CDH7: variants seen among roughly 807,000 people sequenced by gnomAD.
CDH7 encodes cadherin 7, also known as cadherin-7.
CDH7 carries 25 observed loss-of-function variants against 71.8 expected under a neutral mutation model. The observed-to-expected ratio is 0.35, with a 90% CI of 0.25 to 0.49. The LOEUF (loss-of-function observed/expected upper bound fraction) is 0.49, where lower values mean the gene tolerates loss of function less well. Among genes scored for constraint, CDH7 ranks in the 20% least tolerant of loss-of-function variants. The probability of loss-of-function intolerance (pLI) is 0.99; values close to 1 mark genes in which losing one functional copy is unlikely to be tolerated. For missense variants in CDH7, 862 were observed against 974.6 expected (o/e 0.88, Z 1.54); for synonymous variants, 381 against 363.8 (o/e 1.05, Z -0.54).
chr18:65,781,800 T>A (rs1910218064), intron 2 of CDH7, among the ~76,000 whole-genome samples: 1 of 72,926 alleles, frequency 1.4e-5, no homozygotes, highest in African/African-American at 9.1e-5. Context: ...CCTTCCTTCC[T>A]TCCTTCCTTC....
intron 1 of CDH7, among the ~76,000 whole-genome samples, chr18:65,757,843 C>G (rs368075551): frequency 3.4e-4 from 51 of 151,946 alleles, no homozygotes; most frequent in African/African-American, 1.2e-3. Flanking sequence ...GAGGTCAGCT[C>G]TCCAAACCAC....
Position 65,880,459 on chromosome 18 carries a change from C to T in CDH7, c.1923C>T (p.Asp641=), listed in dbSNP as rs183960485. Residue 641 remains aspartate, a synonymous_variant, in exon 12 of 12, where the codon GAC becomes GAT. Transcript: ENST00000397968. Reference sequence around the variant, plus strand: ...GGAAAAAAGAGCCCCTTATTTTTGACGAAGAAAGAGACATCAGAGAAAATA... The same window carrying T: ...GGAAAAAAGAGCCCCTTATTTTTGATGAAGAAAGAGACATCAGAGAAAATA... ...RRRKKEPLIF[D]EERDIRENIV... is the part of the protein sequence containing the mutation. 381 of 1,579,282 alleles carry T rather than the reference C, an allele frequency of 2.4e-4. 4 individuals carry two copies. The South Asian group carries it at 4.2e-3, about 17-fold the overall frequency.
chr18:65,873,749 G>T (rs1913993157), intron 11 of CDH7, among the ~76,000 whole-genome samples: 1 of 152,130 alleles, frequency 6.6e-6, no homozygotes, highest in African/African-American at 2.4e-5. Context: ...CCATATAGAT[G>T]ATGGTGTTTT....
At chr18:65,804,767 A>T in intron 2 of CDH7, among the ~76,000 whole-genome samples, 1 of 151,802 alleles carries the variant, frequency 6.6e-6, no homozygotes, top group East Asian at 1.9e-4. Flanking sequence ...CTACTGTATA[A>T]AAGCTGAGGA....
rs977671273 is a variant in CDH7, at chr18:65,862,812, G to T, written c.1759G>T (p.Ala587Ser). The T allele has an allele frequency of 6.2e-7, 1 of 1,614,058 alleles. No individual in the cohort carries two copies. The highest frequency in any genetic ancestry group is 8.5e-7 in the Non-Finnish European group (1 of 1,180,026). ...TLTIRVCDCDADGVAQTCNAE... is the reference protein window; with the variant it reads ...TLTIRVCDCDSDGVAQTCNAE... ...CACCATCCGCGTGTGTGACTGTGAT[G>T]CTGACGGCGTAGCCCAGACCTGCAA... The change falls in exon 11 of 12, where the codon GCT becomes TCT. Residue 587 changes from alanine to serine, a missense_variant. Ala to Ser is a moderately conservative substitution (Grantham distance 99). Transcript: ENST00000397968.
intron 2 of CDH7, among the ~76,000 whole-genome samples, chr18:65,801,319 T>C (rs1330862619): frequency 6.6e-6 from 1 of 152,198 alleles, no homozygotes; most frequent in Non-Finnish European, 1.5e-5. Flanking sequence ...GCAAATTGTA[T>C]CCATCTAGTC....
intron 2 of CDH7, among the ~76,000 whole-genome samples, chr18:65,793,328 C>T (rs189702968): frequency 6.6e-6 from 1 of 151,044 alleles, no homozygotes; most frequent in Non-Finnish European, 1.5e-5. Flanking sequence ...AGCTTCTCCA[C>T]AGGCTGTGGT....
At chr18:65,796,264 T>A (rs1452252791) in intron 2 of CDH7, among the ~76,000 whole-genome samples, 1 of 152,142 alleles carries the variant, frequency 6.6e-6, no homozygotes, top group Non-Finnish European at 1.5e-5. Context: ...TAACCCAATG[T>A]CCTTTTTTCC....
At chr18:65,760,860 A>G (rs1432416500) in intron 1 of CDH7, among the ~76,000 whole-genome samples, 1 of 152,176 alleles carries the variant, frequency 6.6e-6, no homozygotes, top group African/African-American at 2.4e-5. Context: ...AAGTTTAAGC[A>G]CGTCCCTGCC....
At chr18:65,804,550 A>G (rs1447528253) in intron 2 of CDH7, among the ~76,000 whole-genome samples, 1 of 152,180 alleles carries the variant, frequency 6.6e-6, no homozygotes, top group Non-Finnish European at 1.5e-5. Context: ...TAGATGTAAA[A>G]AGATCACCAG....
At chr18:65,845,989 T>C (rs2628255) in intron 7 of CDH7, among the ~76,000 whole-genome samples, 7,963 of 152,178 alleles carry the variant, frequency 0.052, 678 homozygotes, top group African/African-American at 0.18. Flanking sequence ...TTTTCATTGA[T>C]TGCATTGATA....
At chr18:65,798,230 A>G (rs978889087) in intron 2 of CDH7, among the ~76,000 whole-genome samples, 1 of 152,060 alleles carries the variant, frequency 6.6e-6, no homozygotes, top group African/African-American at 2.4e-5. Flanking sequence ...AGCATGGAAA[A>G]ATAAGAGTAT....
chr18:65,784,593 C>T (rs964633017), intron 2 of CDH7, among the ~76,000 whole-genome samples: 3 of 152,106 alleles, frequency 2.0e-5, no homozygotes, highest in African/African-American at 7.2e-5. Context: ...GAGAAAAAGT[C>T]CTAGAACATC....
At chr18:65,853,405 A>G (rs1324187746) in intron 7 of CDH7, among the ~76,000 whole-genome samples, 1 of 151,876 alleles carries the variant, frequency 6.6e-6, no homozygotes, top group African/African-American at 2.4e-5. Context: ...CAGCCATCCT[A>G]CATTACTAAG....
At chr18:65,839,140 T>C (rs539670274) in intron 6 of CDH7, among the ~76,000 whole-genome samples, 8 of 152,326 alleles carry the variant, frequency 5.3e-5, no homozygotes, top group Admixed American at 5.2e-4. Flanking sequence ...TCTTTAAACA[T>C]GGGCTTTTTG....
In CDH7 at chr18:65,822,179, C is replaced by T. The variant is rs1911957651; in HGVS notation, c.724C>T (p.Leu242=). The T allele has an allele frequency of 6.2e-7, 1 of 1,612,984 alleles. No homozygotes were observed. Among genetic ancestry groups the T allele is most frequent in the African/African-American group, 1.3e-5 (1 of 74,884 alleles). Residue 242 remains leucine, a synonymous_variant, in exon 5 of 12, where the codon CTG becomes TTG. Coordinates refer to ENST00000397968, the MANE Select transcript of CDH7 (RefSeq NM_004361.5). ...GGATATGGTTGGTCAAAATGGAGGA[C>T]TGTCAGGAACTACATCAGTCACTGT... ...AKDMVGQNGG[L]SGTTSVTVTL... is the part of the protein sequence containing the mutation.
chr18:65,765,983 TATTA>T (rs1598988115), intron 2 of CDH7, among the ~76,000 whole-genome samples: 1 of 152,256 alleles, frequency 6.6e-6, no homozygotes, highest in Middle Eastern at 3.4e-3. Flanking sequence ...TTTCATTACA[TATTA>T]ATTATAAATT....
Position 65,884,934 on chromosome 18 carries a change from T to G in CDH7, c.*4040T>G, listed in dbSNP as rs1211648201. The G allele has an allele frequency of 6.6e-6, 1 of 152,222 alleles. No individual in the cohort carries two copies. Among genetic ancestry groups the G allele is most frequent in the African/African-American group, 2.4e-5 (1 of 41,468 alleles). The allele number at this position is 152,222 out of a possible 1,614,324, so 9.4% of individuals were successfully genotyped here. A position where few individuals can be genotyped will look rare whatever the true frequency, so the allele number is the denominator to read the frequency against. On this transcript the variant is annotated 3_prime_UTR_variant, in exon 12 of 12. Coordinates refer to ENST00000397968, the MANE Select transcript of CDH7 (RefSeq NM_004361.5). ...TGAAAGCTTCAACTTATTTTTTAAC[T>G]CTTTCTGGTCCACGATGCCTGGAGG...
chr18:65,811,576 C>A (rs375266559), intron 3 of CDH7, among the ~76,000 whole-genome samples: 5 of 152,232 alleles, frequency 3.3e-5, no homozygotes, highest in South Asian at 2.1e-4. Context: ...TGCTTACCAA[C>A]AAGAGCAGCA....
Sources: allele counts gnomAD v4.1 joint callset (sites outside exome capture counted in the v4.1 genomes callset), GRCh38; gene constraint gnomAD v4.1.1; transcripts MANE v1.5; gene names NCBI Gene and HGNC (gene_info 2026-07-23, HGNC 2026-07-21).